MYH10: variants seen among roughly 807,000 people sequenced by gnomAD.
The protein encoded by MYH10 is myosin heavy chain 10.
MYH10 carries 55 observed loss-of-function variants against 257.8 expected under a neutral mutation model. The observed-to-expected ratio is 0.21, with a 90% CI of 0.17 to 0.27. MYH10 has a LOEUF of 0.27. MYH10 is among the 10% of genes least tolerant of loss of function. The probability of loss-of-function intolerance (pLI) is 1.00; values close to 1 mark genes in which losing one functional copy is unlikely to be tolerated. For missense variants in MYH10, 1,631 were observed against 2,500.6 expected (o/e 0.65, Z 7.42); for synonymous variants, 854 against 921.7 (o/e 0.93, Z 1.33).
intron 7 of MYH10, among the ~76,000 whole-genome samples, chr17:8,562,035 T>C (rs1403619472): frequency 6.6e-6 from 1 of 152,242 alleles, no homozygotes; most frequent in East Asian, 1.9e-4. Context: ...AGCACTAACA[T>C]GTATTCTATT....
At chr17:8,625,670 G>A (rs1420924906) in intron 1 of MYH10, among the ~76,000 whole-genome samples, 3 of 152,054 alleles carry the variant, frequency 2.0e-5, no homozygotes, top group African/African-American at 7.2e-5. Context: ...TAATAGAGAT[G>A]GGGTTTCACC....
At chr17:8,501,987 T>G (rs2080911137) in intron 28 of MYH10, among the ~76,000 whole-genome samples, 1 of 152,240 alleles carries the variant, frequency 6.6e-6, no homozygotes, top group African/African-American at 2.4e-5. Context: ...ACGAGCTTGA[T>G]GAAGACTGAA....
At chr17:8,588,123 TCC>T (rs2083980220) in intron 4 of MYH10, among the ~76,000 whole-genome samples, 3 of 152,158 alleles carry the variant, frequency 2.0e-5, no homozygotes, top group Non-Finnish European at 4.4e-5. Context: ...TTGTGGTTCT[TCC>T]TCCTCTGCCT....
chr17:8,596,048 G>A (rs1259474866), intron 3 of MYH10, among the ~76,000 whole-genome samples: 3 of 151,874 alleles, frequency 2.0e-5, no homozygotes, highest in East Asian at 1.9e-4. Flanking sequence ...TGTCTTTCTT[G>A]TAAATGGCAT....
At chr17:8,533,713 C>T (rs1449605807) in intron 16 of MYH10, among the ~76,000 whole-genome samples, 8 of 152,168 alleles carry the variant, frequency 5.3e-5, no homozygotes, top group Admixed American at 5.2e-4. Context: ...AAAAGGTAGT[C>T]CCTTCCTCTG....
At chr17:8,593,900 G>A (rs900986221) in intron 3 of MYH10, among the ~76,000 whole-genome samples, 1 of 152,166 alleles carries the variant, frequency 6.6e-6, no homozygotes, top group African/African-American at 2.4e-5. Context: ...AACAGTGGTA[G>A]AAGACTCACA....
chr17:8,535,617 G>T lies in MYH10; in HGVS notation c.1780-116C>A. Reference sequence around the variant, plus strand: ...TATACAACAGTCCCCAAAATGGGCTGTCTGAAAGACAATATGTTTGTAATA... The same window carrying T: ...TATACAACAGTCCCCAAAATGGGCTTTCTGAAAGACAATATGTTTGTAATA... On this transcript the variant is annotated intron_variant, in intron 15 of 42. Coordinates refer to ENST00000360416, the MANE Select transcript of MYH10 (RefSeq NM_001256012.3). This position sits in a 1 kb window ranked among gnomAD's most constrained non-coding sequence, Gnocchi z 4.3. The T allele has an allele frequency of 8.1e-7, 1 of 1,238,782 alleles. No individual in the cohort carries two copies. The highest frequency in any genetic ancestry group is 1.1e-6 in the Non-Finnish European group (1 of 879,914). 76.7% of individuals were successfully genotyped at this position (1,238,782 alleles called of 1,614,324 possible). A position where few individuals can be genotyped will look rare whatever the true frequency, so the allele number is the denominator to read the frequency against.
rs113117420 is a variant in MYH10 at position 8,612,507 on chromosome 17, A to G, written c.346-7525T>C. Among the ~76,000 whole-genome samples the G allele has an allele frequency of 6.3e-3, 954 of 152,272 alleles. 7 individuals carry two copies. Among genetic ancestry groups the G allele is most frequent in the African/African-American group, 0.022 (911 of 41,554 alleles). On this transcript the variant is annotated intron_variant, in intron 2 of 42. Transcript: ENST00000360416. ...ATATTGTTTTAATTGCTCTATTTTA[A>G]TAGTTATTGTTGTTAATCTCCCACC...
chr17:8,483,215 C>T (rs1224288361), intron 37 of MYH10, among the ~76,000 whole-genome samples: 1 of 152,036 alleles, frequency 6.6e-6, no homozygotes, highest in Non-Finnish European at 1.5e-5. Context: ...TGATGAAAAC[C>T]GATCTTAGAG....
chr17:8,601,579 C>T (rs891373543), intron 3 of MYH10, among the ~76,000 whole-genome samples: 2 of 152,230 alleles, frequency 1.3e-5, no homozygotes, highest in Admixed American at 1.3e-4. Context: ...CTCCTTCTCT[C>T]ATAAGCACCA....
Position 8,552,434 on chromosome 17 carries a change from T to G in MYH10, c.821-290A>C, listed in dbSNP as rs1421479922. 6.6e-6 allele frequency among the ~76,000 whole-genome samples: 1 copy of G among 152,116 alleles called. No individual in the cohort carries two copies. Among genetic ancestry groups the G allele is most frequent in the East Asian group, 1.9e-4 (1 of 5,198 alleles). On this transcript the variant is annotated intron_variant, in intron 8 of 42. Coordinates refer to ENST00000360416, the MANE Select transcript of MYH10 (RefSeq NM_001256012.3). This position sits in a 1 kb window ranked among gnomAD's most constrained non-coding sequence, Gnocchi z 4.8. ...CACTCTACCCCATCCTTCCCCTAAC[T>G]TGGATTACATTCAAAGAATACCACA...
intron 2 of MYH10, among the ~76,000 whole-genome samples, chr17:8,610,158 A>G (rs1230577032): frequency 6.6e-6 from 1 of 151,488 alleles, no homozygotes; most frequent in Admixed American, 6.6e-5. Context: ...TCAACATCAT[A>G]AAGTGAGAGA....
chr17:8,539,103 G>GA (rs2082223782), intron 14 of MYH10, among the ~76,000 whole-genome samples: 1 of 152,120 alleles, frequency 6.6e-6, no homozygotes, highest in Non-Finnish European at 1.5e-5. Flanking sequence ...ACTCTGCCAA[G>GA]AGTCCCCACC....
chr17:8,513,965 T>C, intron 21 of MYH10, 71 bp from the exon 22 acceptor site: 1 of 1,271,680 alleles, frequency 7.9e-7, no homozygotes, highest in Non-Finnish European at 1.1e-6. Flanking sequence ...ATAAGAAGCC[T>C]TTCTAAAGGC....
intron 16 of MYH10, among the ~76,000 whole-genome samples, chr17:8,534,226 T>C (rs913781312): frequency 6.6e-6 from 1 of 152,194 alleles, no homozygotes; most frequent in Non-Finnish European, 1.5e-5. Context: ...CTGCACTCAG[T>C]AGTCAGTTGA....
intron 3 of MYH10, among the ~76,000 whole-genome samples, chr17:8,591,062 C>T (rs371453842): frequency 3.3e-5 from 5 of 151,922 alleles, no homozygotes; most frequent in South Asian, 2.1e-4. Context: ...TTAGTAGAGA[C>T]GGGGTTTCAC....
At chr17:8,502,783 G>C (rs1275478243) in intron 28 of MYH10, among the ~76,000 whole-genome samples, 2 of 152,266 alleles carry the variant, frequency 1.3e-5, no homozygotes, top group South Asian at 2.1e-4. Context: ...CTGAGCACAG[G>C]CATGGTTTTA....
At chr17:8,555,613 T>C (rs111747941) in intron 7 of MYH10, among the ~76,000 whole-genome samples, 154 of 152,276 alleles carry the variant, frequency 1.0e-3, no homozygotes, top group African/African-American at 3.3e-3. Flanking sequence ...ACCTAGACTT[T>C]TACCTTACAC....
At chr17:8,543,769 G>A (rs1479889282) in intron 13 of MYH10, among the ~76,000 whole-genome samples, 2 of 152,168 alleles carry the variant, frequency 1.3e-5, no homozygotes, top group Non-Finnish European at 2.9e-5. Context: ...ACCACGCCCG[G>A]CCAAGAATGG....
Sources: allele counts gnomAD v4.1 joint callset (sites outside exome capture counted in the v4.1 genomes callset), GRCh38; gene constraint gnomAD v4.1.1; non-coding constraint Gnocchi (gnomAD v3.1); transcripts MANE v1.5; gene names NCBI Gene and HGNC (gene_info 2026-07-23, HGNC 2026-07-21).